The following TRPA1 variants were observed in gnomAD, a reference collection of about 807,000 sequenced individuals.
TRPA1 encodes the protein ankyrin-like with transmembrane domains 1.
TRPA1 carries 129 observed loss-of-function variants against 131.3 expected under a neutral mutation model. That is an observed-to-expected ratio of 0.98 (90% confidence interval 0.85 to 1.14). The LOEUF is 1.14. TRPA1 is among the 50% of genes most tolerant of loss of function. The probability of loss-of-function intolerance (pLI) is 0.00; values close to 1 mark genes in which losing one functional copy is unlikely to be tolerated. For missense variants in TRPA1, 1,304 were observed against 1,354.2 expected, an observed-to-expected ratio of 0.96 and a Z score of 0.58; for synonymous variants, 441 against 451.7, an observed-to-expected ratio of 0.98 and a Z score of 0.30.
At position 72,040,190 on chromosome 8, in the gene TRPA1, G is replaced by T. The variant is rs182419602; in HGVS notation, c.2062-393C>A. 2.1e-3 allele frequency among the ~76,000 whole-genome samples: 313 copies of T among 152,170 alleles called. 1 individual carries two copies. Among genetic ancestry groups the T allele is most frequent in the African/African-American group, 7.2e-3 (301 of 41,534 alleles). On this transcript the variant is annotated intron_variant, in intron 17 of 26. Transcript: ENST00000262209. ...TGCAGTAGAATATACATACATAGTT[G>T]TTCAATTAATCTAGATCATAAGTTT...
At chr8:72,034,010 A>G (rs1458126595) in intron 22 of TRPA1, among the ~76,000 whole-genome samples, 184 bp from the exon 23 acceptor site, 2 of 152,250 alleles carry the variant, frequency 1.3e-5, no homozygotes, top group African/African-American at 4.8e-5. Flanking sequence ...TGTTATCTGC[A>G]TAAATAATAA....
intron 13 of TRPA1, 64 bp downstream of exon 13, chr8:72,053,689 T>C: frequency 8.2e-7 from 1 of 1,220,776 alleles, no homozygotes; most frequent in Non-Finnish European, 1.2e-6. Context: ...GAGAGTTTTC[T>C]GGCAATGTTG....
rs199738626 is a variant in TRPA1, at chr8:72,039,759, A to C, written c.2100T>G (p.His700Gln). ...TGAGTAAATATTCTTTACACACAGG[A>C]TGATTGAGAAGCTCTATGCGGTTAT... Reference protein sequence around the residue: ...VQNNRIELLNHPVCKEYLLMK... With the variant: ...VQNNRIELLNQPVCKEYLLMK... Residue 700 changes from histidine to glutamine, a missense_variant, in exon 18 of 27, where the codon CAT becomes CAG. By Grantham distance (24) the His-to-Gln change is conservative (BLOSUM62 0). Transcript: ENST00000262209. 67 of 1,610,510 alleles carry C rather than the reference A, an allele frequency of 4.2e-5. No individual in the cohort carries two copies. In the East Asian group the frequency reaches 1.1e-3, roughly 27 times the overall value.
At chr8:72,027,801 G>C (rs1811659673) in intron 24 of TRPA1, among the ~76,000 whole-genome samples, 1 of 152,162 alleles carries the variant, frequency 6.6e-6, no homozygotes, top group Non-Finnish European at 1.5e-5. Context: ...TAGGAGAATG[G>C]CTTCCCGGTT....
At chr8:72,063,634 G>A (rs1365468201) in intron 4 of TRPA1, 63 bp from the exon 5 acceptor site, 22 of 1,012,080 alleles carry the variant, frequency 2.2e-5, no homozygotes, top group African/African-American at 1.8e-4. Flanking sequence ...GGGTGGATGA[G>A]AATTTATGTG....
chr8:72,082,382 AAAG>A, the TRPA1 span, among the ~76,000 whole-genome samples: 1 of 152,050 alleles, frequency 6.6e-6, no homozygotes, highest in Non-Finnish European at 1.5e-5. Context: ...AAAGAAATTA[AAAG>A]AAGAAAATAG....
chr8:72,031,507 A>C (rs1811813349), intron 23 of TRPA1, among the ~76,000 whole-genome samples: 1 of 151,744 alleles, frequency 6.6e-6, no homozygotes, highest in African/African-American at 2.4e-5. Flanking sequence ...GAGACTGGGA[A>C]GTGGAGGCTG....
the TRPA1 span, among the ~76,000 whole-genome samples, chr8:72,083,091 A>T: frequency 1.4e-4 from 21 of 151,814 alleles, no homozygotes; most frequent in Admixed American, 1.4e-3. Context: ...TAAATTTTTC[A>T]TTTATATTAT....
intron 12 of TRPA1, chr8:72,054,792 T>G (rs1032070599): frequency 2.6e-5 from 4 of 152,512 alleles, no homozygotes; most frequent in Non-Finnish European, 5.9e-5. Flanking sequence ...TTGCTACTGC[T>G]ATGGTAAGAT....
At chr8:72,031,604 A>AC (rs397949985) in intron 23 of TRPA1, among the ~76,000 whole-genome samples, 13 of 151,694 alleles carry the variant, frequency 8.6e-5, no homozygotes, top group Admixed American at 2.0e-4. Context: ...CAAAAAAAAA[A>AC]CAAAAAAACA....
At chr8:72,064,757 A>G (rs1264733638) in intron 4 of TRPA1, among the ~76,000 whole-genome samples, 3 of 152,222 alleles carry the variant, frequency 2.0e-5, no homozygotes, top group Admixed American at 6.5e-5. Flanking sequence ...CATACAAGTA[A>G]CTAACGAATA....
chr8:72,078,422 C>T (rs1432514850), upstream of TRPA1, among the ~76,000 whole-genome samples: 2 of 152,142 alleles, frequency 1.3e-5, no homozygotes, highest in African/African-American at 2.4e-5. Context: ...GACCCCTAAG[C>T]AACCTTCAAT....
chr8:72,052,905 G>C, intron 13 of TRPA1, 140 bp from the exon 14 acceptor site: 2 of 881,942 alleles, frequency 2.3e-6, no homozygotes, highest in Non-Finnish European at 1.7e-6. Flanking sequence ...TCAGAATCAA[G>C]CTTCAAAATA....
rs1806159591 is a variant in TRPA1 at position 72,075,504 on chromosome 8, C to T, written c.-95G>A. 4 of 1,009,850 alleles carry T rather than the reference C, an allele frequency of 4.0e-6. No individual in the cohort carries two copies. In the Admixed American group the frequency reaches 7.1e-5, roughly 18 times the overall value. The allele number at this position is 1,009,850 out of a possible 1,614,324, so 62.6% of individuals were successfully genotyped here. On this transcript the variant is annotated 5_prime_UTR_variant, in exon 1 of 27. Coordinates refer to ENST00000262209, the MANE Select transcript of TRPA1 (RefSeq NM_007332.3). ...CTGTCAGCCTGCCAGGCGCTGGGGT[C>T]CGCGCGAGCCCGAGCTCTCCCGCGC... is the stretch of plus-strand genomic sequence containing the variant.
At chr8:72,063,002 T>G in intron 5 of TRPA1, 58 bp from the exon 6 acceptor site, 7 of 1,504,352 alleles carry the variant, frequency 4.7e-6, no homozygotes, top group African/African-American at 1.4e-5. Flanking sequence ...ATAGGGAGGT[T>G]TTTTGTTAAA....
chr8:72,025,280 G>T (rs527483330), intron 25 of TRPA1, among the ~76,000 whole-genome samples: 128 of 152,252 alleles, frequency 8.4e-4, no homozygotes, highest in African/African-American at 2.9e-3. Flanking sequence ...GTGATAGTAA[G>T]TGAGTTCTCA....
At chr8:72,036,779 G>T (rs548294930) in intron 20 of TRPA1, among the ~76,000 whole-genome samples, 29 of 152,316 alleles carry the variant, frequency 1.9e-4, no homozygotes, top group Non-Finnish European at 3.7e-4. Context: ...AGTTGGTTCA[G>T]TAATTCCTGG....
At chr8:72,036,005 C>CA (rs58197251) in intron 21 of TRPA1, among the ~76,000 whole-genome samples, 1,534 of 44,838 alleles carry the variant, frequency 0.034, 13 homozygotes, top group South Asian at 0.069. Context: ...TCCCCCTCCA[C>CA]AAAAAAAAAA....
chr8:72,079,037 C>T (rs545342293), upstream of TRPA1, among the ~76,000 whole-genome samples: 2 of 152,078 alleles, frequency 1.3e-5, no homozygotes, highest in African/African-American at 4.8e-5. Context: ...ATTATTCACT[C>T]ATATATTTTC....
Sources: gnomAD v4.1 joint callset for allele counts (sites outside exome capture counted in the v4.1 genomes callset) on GRCh38, gnomAD v4.1.1 for gene constraint, MANE v1.5 for transcripts, NCBI Gene and HGNC (gene_info 2026-07-23, HGNC 2026-07-21) for gene names.